Variants in PCDHA4 observed in about 807,000 individuals in gnomAD.
The protein encoded by PCDHA4 is protocadherin alpha 4.
In PCDHA4, 49 loss-of-function variants were observed where a neutral mutation model predicts 61.4. That is an observed-to-expected ratio of 0.80 (90% CI 0.63 to 1.01). The LOEUF is 1.01. Among genes scored for constraint, PCDHA4 ranks in the 50% least tolerant of loss-of-function variants. PCDHA4 has a pLI of 0.00. For missense variants in PCDHA4, 1,254 were observed against 1,235.8 expected (o/e 1.01, Z -0.22); for synonymous variants, 590 against 550.3 (o/e 1.07, Z -1.01).
chr5:140,885,391 T>G, intron 1 of PCDHA4, among the ~76,000 whole-genome samples: 1 of 152,112 alleles, frequency 6.6e-6, no homozygotes, highest in East Asian at 1.9e-4. Context: ...TCCCTGCAAA[T>G]CTAATGGTTT....
intron 1 of PCDHA4, among the ~76,000 whole-genome samples, chr5:140,923,142 TA>T (rs1262526439): frequency 5.3e-5 from 8 of 152,122 alleles, no homozygotes; most frequent in East Asian, 3.9e-4. Context: ...AGGTGGAATA[TA>T]AAAAAAATTA....
intron 1 of PCDHA4, chr5:140,967,061 C>T: frequency 6.2e-7 from 1 of 1,612,886 alleles, no homozygotes; most frequent in Non-Finnish European, 8.5e-7. Context: ...GAGTGGAGCG[C>T]TCTTCGTCAA....
In PCDHA4 at chr5:140,807,788, G is replaced by T; in HGVS notation, c.601G>T (p.Asp201Tyr). ...TGGGCTTATATTACGGAAATCTTTAGACAGAGAAGAAGCTCCGGAGATTTT... is the reference window on the plus strand; with the variant it reads ...TGGGCTTATATTACGGAAATCTTTATACAGAGAAGAAGCTCCGGAGATTTT... ...GLGLILRKSL[D>Y]REEAPEIFLV... is the part of the protein sequence containing the mutation. The change falls in exon 1 of 4, where the codon GAC (aspartate) becomes TAC (tyrosine). Residue 201 changes from aspartate to tyrosine, a missense_variant. Transcript: ENST00000530339. The T allele has an allele frequency of 6.2e-7, 1 of 1,614,142 alleles. No individual in the cohort carries two copies. Among genetic ancestry groups the T allele is most frequent in the Non-Finnish European group, 8.5e-7 (1 of 1,180,042 alleles).
At chr5:140,903,824 T>A (rs1439298617) in intron 1 of PCDHA4, among the ~76,000 whole-genome samples, 3 of 152,202 alleles carry the variant, frequency 2.0e-5, no homozygotes, top group Admixed American at 2.0e-4. Context: ...CACATGAATG[T>A]CTGTTGGTAT....
intron 1 of PCDHA4, among the ~76,000 whole-genome samples, chr5:140,837,759 C>T (rs1554136626): frequency 6.6e-6 from 1 of 151,774 alleles, no homozygotes; most frequent in Non-Finnish European, 1.5e-5. Context: ...CCACTGCAAC[C>T]TGAAAGTCCT....
intron 1 of PCDHA4, among the ~76,000 whole-genome samples, chr5:140,874,643 G>T (rs1423931291): frequency 1.3e-5 from 2 of 152,178 alleles, no homozygotes; most frequent in Non-Finnish European, 2.9e-5. Flanking sequence ...CTTTACTTTT[G>T]CTAGAGTAAA....
chr5:140,932,750 GGAAA>G (rs1554209054), intron 1 of PCDHA4, among the ~76,000 whole-genome samples: 1 of 151,518 alleles, frequency 6.6e-6, no homozygotes, highest in Non-Finnish European at 1.5e-5. Flanking sequence ...TCAGTAAAAA[GGAAA>G]GAAAAAGAAC....
intron 1 of PCDHA4, chr5:140,848,307 CTT>C (rs1781430296): frequency 1.4e-6 from 1 of 711,402 alleles, no homozygotes; most frequent in Non-Finnish European, 2.4e-6. Context: ...TGATGTCACT[CTT>C]TGCCGCGATG....
rs372854727 is a variant in PCDHA4 at position 140,857,673 on chromosome 5, C to A, written c.2385+48101C>A. On this transcript the variant is annotated intron_variant, in intron 1 of 3. Transcript: ENST00000530339. Reference sequence around the variant, plus strand: ...GTGAGCGCGCGCGATGGGGGCGTGCCGCCTCTGGGCAGCAACTTGACGCTG... The same window carrying A: ...GTGAGCGCGCGCGATGGGGGCGTGCAGCCTCTGGGCAGCAACTTGACGCTG... 2.5e-6 allele frequency: 4 copies of A among 1,596,826 alleles called. 1 individual carries two copies. The highest frequency in any genetic ancestry group is 3.4e-6 in the Non-Finnish European group (4 of 1,167,768).
chr5:140,886,281 T>C (rs2060932567), intron 1 of PCDHA4, among the ~76,000 whole-genome samples: 1 of 151,934 alleles, frequency 6.6e-6, no homozygotes, highest in African/African-American at 2.4e-5. Flanking sequence ...TTTTTAAAAT[T>C]ATTTTTATAT....
intron 1 of PCDHA4, among the ~76,000 whole-genome samples, chr5:140,922,082 G>A (rs2080612980): frequency 6.6e-6 from 1 of 151,908 alleles, no homozygotes. Context: ...AGCAAAAAGT[G>A]GTATTTCTAC....
chr5:140,926,756 G>T, intron 1 of PCDHA4: 1 of 1,289,704 alleles, frequency 7.8e-7, no homozygotes, highest in South Asian at 2.2e-5. Context: ...GGCGGTCGCT[G>T]AGTATCCAGC....
At chr5:140,842,163 T>G (rs1777744239) in intron 1 of PCDHA4, 1 of 1,613,748 alleles carries the variant, frequency 6.2e-7, no homozygotes, top group African/African-American at 1.3e-5. Context: ...TCATATTCTT[T>G]TAATAGCCTT....
At chr5:140,821,664 A>T in intron 1 of PCDHA4, 1 of 1,232,770 alleles carries the variant, frequency 8.1e-7, no homozygotes, top group Non-Finnish European at 1.1e-6. Flanking sequence ...GGCTGTGCCA[A>T]GAAGCTCAGA....
At chr5:140,853,186 T>A (rs1319210557) in intron 1 of PCDHA4, 2 of 978,922 alleles carry the variant, frequency 2.0e-6, no homozygotes, top group African/African-American at 3.5e-5. Flanking sequence ...GCCTAAAATG[T>A]GTTCTTTATT....
chr5:140,850,188 C>T (rs2150472267), intron 1 of PCDHA4: 1 of 1,593,702 alleles, frequency 6.3e-7, no homozygotes, highest in Non-Finnish European at 8.6e-7. Flanking sequence ...TGCGCCGGCG[C>T]TGCTGACACC....
chr5:140,902,615 G>C (rs2153477614), intron 1 of PCDHA4, among the ~76,000 whole-genome samples: 1 of 152,128 alleles, frequency 6.6e-6, no homozygotes, highest in Admixed American at 6.6e-5. Context: ...AGTTACATGG[G>C]TAAGTTATTT....
intron 1 of PCDHA4, among the ~76,000 whole-genome samples, chr5:140,963,536 T>G (rs2095772178): frequency 6.6e-6 from 1 of 152,230 alleles, no homozygotes; most frequent in African/African-American, 2.4e-5. Flanking sequence ...TCCCATTTAC[T>G]TCATGATATA....
intron 1 of PCDHA4, chr5:140,835,705 T>A (rs1773862333): frequency 1.2e-6 from 2 of 1,613,894 alleles, no homozygotes; most frequent in East Asian, 4.5e-5. Flanking sequence ...ACTGCTAGCG[T>A]GTCCGTGGAG....
Sources: gnomAD v4.1 joint callset for allele counts (sites outside exome capture counted in the v4.1 genomes callset) on GRCh38, gnomAD v4.1.1 for gene constraint, MANE v1.5 for transcripts, NCBI Gene and HGNC (gene_info 2026-07-23, HGNC 2026-07-21) for gene names.